The following NUFIP2 variants were observed in gnomAD, a reference collection of about 807,000 sequenced individuals.
NUFIP2 encodes the protein nuclear FMR1 interacting protein 2.
NUFIP2 carries 6 observed loss-of-function variants against 56.9 expected under a neutral mutation model. The observed-to-expected ratio is 0.11, with a 90% CI of 0.06 to 0.21. The LOEUF (loss-of-function observed/expected upper bound fraction) is 0.21, where lower values mean the gene tolerates loss of function less well. Among genes scored for constraint, NUFIP2 ranks in the 10% least tolerant of loss-of-function variants. NUFIP2 has a pLI of 1.00. For synonymous variants in NUFIP2, 321 were observed against 298.2 expected (o/e 1.08, Z -0.79); for missense variants, 828 against 826.8 (o/e 1.00, Z -0.02).
Position 29,286,240 on chromosome 17 carries a change from G to A in NUFIP2, c.1754C>T (p.Thr585Ile). The change falls in exon 2 of 4, where the codon ACT becomes ATT. Residue 585 changes from threonine to isoleucine, a missense_variant. Physicochemically the swap from Thr to Ile is moderately conservative, Grantham distance 89 (BLOSUM62 -1). Coordinates refer to ENST00000225388, the MANE Select transcript of NUFIP2 (RefSeq NM_020772.3). Reference protein sequence around the residue: ...VLGSILKSGTTSESGALSLEP... With the variant: ...VLGSILKSGTISESGALSLEP... ...CAAGGATAAGGCTCCACTCTCACTA[G>A]TAGTCCCAGATTTTAGAATGCTACC... 1 of 1,614,162 alleles carries A rather than the reference G, an allele frequency of 6.2e-7. No individual in the cohort carries two copies. The highest frequency in any genetic ancestry group is 8.5e-7 in the Non-Finnish European group (1 of 1,180,028).
intron 2 of NUFIP2, among the ~76,000 whole-genome samples, chr17:29,279,826 AT>A (rs1306114438): frequency 6.6e-6 from 1 of 151,940 alleles, no homozygotes; most frequent in Non-Finnish European, 1.5e-5. Context: ...TTTTATTTTC[AT>A]TTTTTGAGGT....
At chr17:29,287,770 A>C in intron 1 of NUFIP2, 54 bp from the exon 2 acceptor site, 1 of 1,448,752 alleles carries the variant, frequency 6.9e-7, no homozygotes, top group South Asian at 1.4e-5. Context: ...TGTAAATTAC[A>C]CTAATACCTA....
intron 2 of NUFIP2, among the ~76,000 whole-genome samples, chr17:29,284,240 A>G (rs181968588): frequency 7.0e-4 from 106 of 152,312 alleles, no homozygotes; most frequent in Non-Finnish European, 1.1e-3. Flanking sequence ...TTTCTGTTAG[A>G]GAAAGGAGGA....
At position 29,285,769 on chromosome 17, in the gene NUFIP2, T is replaced by C. The variant is rs139120972; in HGVS notation, c.2002+223A>G. Among the ~76,000 whole-genome samples the C allele has an allele frequency of 1.1e-3, 173 of 152,320 alleles. 1 individual carries two copies. Among genetic ancestry groups the C allele is most frequent in the African/African-American group, 4.0e-3 (167 of 41,568 alleles). On this transcript the variant is annotated intron_variant, in intron 2 of 3. Coordinates refer to ENST00000225388, the MANE Select transcript of NUFIP2 (RefSeq NM_020772.3). Reference sequence around the variant, plus strand: ...ACCAGGTAGGTCAATTATGTTTGTATTTTTAAAAATCCTTTTAAGTTGGAA... The same window carrying C: ...ACCAGGTAGGTCAATTATGTTTGTACTTTTAAAAATCCTTTTAAGTTGGAA...
rs2153010339 is a variant in NUFIP2, at chr17:29,261,236, A to G, written c.*3303T>C. 1 of 152,198 alleles carries G rather than the reference A, an allele frequency of 6.6e-6. No homozygotes were observed. Among genetic ancestry groups the G allele is most frequent in the East Asian group, 1.9e-4 (1 of 5,184 alleles). The allele number at this position is 152,198 out of a possible 1,614,324, so 9.4% of individuals were successfully genotyped here. On this transcript the variant is annotated 3_prime_UTR_variant, in exon 4 of 4. Transcript: ENST00000225388. ...AGGTCATAATTTCATTCTTAGTGCC[A>G]TTTTTCAATACTACCCTTTTAAGGA... is the stretch of plus-strand genomic sequence containing the variant.
At position 29,293,913 on chromosome 17, in the gene NUFIP2, A is replaced by ATGG. The variant is rs751250575; in HGVS notation, c.144_146dup (p.His51dup). On this transcript the variant is annotated inframe_insertion, in exon 1 of 4. Transcript: ENST00000225388. ...GGTATTGGTGAGGCTGCTGGTGATG[A>ATGG]TGGTGGTGGTGGTGGTTGTGGCTGT... 5.9e-5 allele frequency: 95 copies of ATGG among 1,613,094 alleles called. No individual in the cohort carries two copies. The highest frequency in any genetic ancestry group is 8.9e-5 in the East Asian group (4 of 44,860).
At chr17:29,291,043 A>G (rs980085165) in intron 1 of NUFIP2, among the ~76,000 whole-genome samples, 1 of 149,136 alleles carries the variant, frequency 6.7e-6, no homozygotes. Context: ...AACAAAAAAA[A>G]AAAAAAAAAA....
chr17:29,286,154 A>G lies in NUFIP2; in HGVS notation c.1840T>C (p.Phe614Leu), dbSNP rs752393146. Residue 614 changes from phenylalanine to leucine, a missense_variant, in exon 2 of 4, where the codon TTT becomes CTT. By Grantham distance (22) the Phe-to-Leu change is conservative. Around this residue, in one of 3 missense-constraint regions of NUFIP2, gnomAD observed 404 missense variants for 380.3 expected, o/e 1.06. Transcript: ENST00000225388. ...ADTSSQGALV[F>L]LSKDYEIESQ... is the part of the protein sequence containing the mutation. ...TCTATCTCGTAGTCCTTTGAGAGAAACACTAAAGCACCTTGACTACTGGTG... is the reference window on the plus strand; with the variant it reads ...TCTATCTCGTAGTCCTTTGAGAGAAGCACTAAAGCACCTTGACTACTGGTG... 2 of 1,614,130 alleles carry G rather than the reference A, an allele frequency of 1.2e-6. No homozygotes were observed. Among genetic ancestry groups the G allele is most frequent in the Non-Finnish European group, 8.5e-7 (1 of 1,180,008 alleles).
intron 2 of NUFIP2, among the ~76,000 whole-genome samples, chr17:29,276,130 A>C (rs2069107010): frequency 6.6e-6 from 1 of 151,878 alleles, no homozygotes. Context: ...GTGAAATTGA[A>C]TTTGTGTCTC....
At position 29,286,707 on chromosome 17, in the gene NUFIP2, A is replaced by T. The variant is rs746072873; in HGVS notation, c.1287T>A (p.Pro429=). 4 of 1,614,146 alleles carry T rather than the reference A, an allele frequency of 2.5e-6. No individual in the cohort carries two copies. The Admixed American group carries it at 5.0e-5, about 20-fold the overall frequency. The change falls in exon 2 of 4, where the codon CCT becomes CCA. Residue 429 remains proline (P), a synonymous_variant. Coordinates refer to ENST00000225388, the MANE Select transcript of NUFIP2 (RefSeq NM_020772.3). ...TAGTTAGCAGTGGCTGACCCCCTGG[A>T]GGATAAACATTTCCATCAGTCCCTG... ...VLAGTDGNVY[P]PGGQPLLTTA... is the part of the protein sequence containing the mutation.
rs150638051 is a variant in NUFIP2, at chr17:29,275,883, C to T, written c.2003-8353G>A. ...TCTCTACTAAAAATACAAAAATTAG[C>T]CGGGAGTGGTGGTGCGTGCCTGTAA... On this transcript the variant is annotated intron_variant, in intron 2 of 3. Coordinates refer to ENST00000225388, the MANE Select transcript of NUFIP2 (RefSeq NM_020772.3). Among the ~76,000 whole-genome samples, 63 of 151,988 alleles carry T rather than the reference C, an allele frequency of 4.1e-4. 1 individual carries two copies. In the Middle Eastern group the frequency reaches 0.014, roughly 33 times the overall value.
In NUFIP2 at chr17:29,264,455, G is replaced by T; in HGVS notation, c.*84C>A. 1.3e-6 allele frequency: 1 copy of T among 786,600 alleles called. No homozygotes were observed. 48.7% of individuals were successfully genotyped at this position (786,600 alleles called of 1,614,324 possible). A position where few individuals can be genotyped will look rare whatever the true frequency, so the allele number is the denominator to read the frequency against. On this transcript the variant is annotated 3_prime_UTR_variant, in exon 4 of 4. Transcript: ENST00000225388. ...CTTATGGTTCCTCTGCTGCGTTGAA[G>T]ATCTAGGAGCATAAAAGCCTTGTGT...
chr17:29,281,579 C>T (rs898315365), intron 2 of NUFIP2, among the ~76,000 whole-genome samples: 2 of 151,536 alleles, frequency 1.3e-5, no homozygotes, highest in Non-Finnish European at 2.9e-5. Flanking sequence ...GTAGTACTAG[C>T]TACTCAGGAG....
chr17:29,259,968 A>G lies in NUFIP2; in HGVS notation c.*4571T>C, dbSNP rs917954467. On this transcript the variant is annotated 3_prime_UTR_variant, in exon 4 of 4. Transcript: ENST00000225388. The stretch of plus-strand genomic sequence containing the variant: ...GTCCTGGTTCTCACACAGGTGATGT[A>G]TATTTTAAAAGAAACATTTTAAGAT... 2.0e-5 allele frequency: 3 copies of G among 152,336 alleles called. No homozygotes were observed. Among genetic ancestry groups the G allele is most frequent in the Middle Eastern group, 3.4e-3 (1 of 294 alleles). 9.4% of individuals were successfully genotyped at this position (152,336 alleles called of 1,614,324 possible).
chr17:29,258,367 G>C lies in NUFIP2; in HGVS notation c.*6172C>G, dbSNP rs969965046. 3.3e-5 allele frequency: 5 copies of C among 152,154 alleles called. No individual in the cohort carries two copies. Among genetic ancestry groups the C allele is most frequent in the Non-Finnish European group, 7.4e-5 (5 of 68,010 alleles). 9.4% of individuals were successfully genotyped at this position (152,154 alleles called of 1,614,324 possible). A position where few individuals can be genotyped will look rare whatever the true frequency, so the allele number is the denominator to read the frequency against. On this transcript the variant is annotated 3_prime_UTR_variant, in exon 4 of 4. Coordinates refer to ENST00000225388, the MANE Select transcript of NUFIP2 (RefSeq NM_020772.3). The stretch of plus-strand genomic sequence containing the variant: ...GCTAAGTAAAAAGACAAGAGAAACA[G>C]CTGGAGTTTTGATTGATTTGATTTA...
At chr17:29,274,557 T>G (rs1174146150) in intron 2 of NUFIP2, among the ~76,000 whole-genome samples, 2 of 152,218 alleles carry the variant, frequency 1.3e-5, no homozygotes, top group African/African-American at 2.4e-5. Context: ...TGAGCTATAA[T>G]GCAGAACCAA....
chr17:29,267,651 A>G (rs1049838453), intron 2 of NUFIP2, 121 bp from the exon 3 acceptor site: 5 of 580,160 alleles, frequency 8.6e-6, no homozygotes, highest in Non-Finnish European at 1.5e-5. Flanking sequence ...TAGGGTTGAA[A>G]ATGGCAAAAT....
intron 2 of NUFIP2, among the ~76,000 whole-genome samples, chr17:29,282,416 C>T (rs565203120): frequency 9.2e-5 from 14 of 151,742 alleles, no homozygotes; most frequent in African/African-American, 2.2e-4. Context: ...GGCATGGTGG[C>T]GTGCACCTGT....
chr17:29,275,941 T>A (rs1015910116), intron 2 of NUFIP2, among the ~76,000 whole-genome samples: 21 of 151,510 alleles, frequency 1.4e-4, no homozygotes, highest in Non-Finnish European at 2.6e-4. Context: ...GGCAGGAGAA[T>A]TGCTTGAACC....
Sources: allele counts gnomAD v4.1 joint callset (sites outside exome capture counted in the v4.1 genomes callset), GRCh38; gene constraint gnomAD v4.1.1; regional missense constraint gnomAD v4.1.1; transcripts MANE v1.5; gene names NCBI Gene and HGNC (gene_info 2026-07-23, HGNC 2026-07-21).